Variants in SCN2A observed in about 807,000 individuals in gnomAD.
SCN2A encodes sodium channel protein type 2 subunit alpha.
SCN2A carries 20 observed loss-of-function variants against 188.7 expected under a neutral mutation model. The observed-to-expected ratio is 0.11, with a 90% CI of 0.07 to 0.15. The LOEUF (loss-of-function observed/expected upper bound fraction) is 0.15. Among genes scored for constraint, SCN2A ranks in the 10% least tolerant of loss-of-function variants. SCN2A has a pLI of 1.00. For missense variants in SCN2A, 1,278 were observed against 2,445.0 expected (o/e 0.52, Z 10.07); for synonymous variants, 804 against 833.1 (o/e 0.97, Z 0.60).
At chr2:165,284,714 A>G (rs530911582) in intron 1 of SCN2A, among the ~76,000 whole-genome samples, 1 of 152,350 alleles carries the variant, frequency 6.6e-6, no homozygotes, top group African/African-American at 2.4e-5. Flanking sequence ...CCTCACCCTC[A>G]TAAAGAGAAC....
Position 165,388,937 on chromosome 2 carries a change from A to T in SCN2A, c.5131A>T (p.Thr1711Ser). 1 of 1,614,116 alleles carries T rather than the reference A, an allele frequency of 6.2e-7. No individual in the cohort carries two copies. Among genetic ancestry groups the T allele is most frequent in the Non-Finnish European group, 8.5e-7 (1 of 1,180,000 alleles). The change falls in exon 27 of 27, where the codon ACA becomes TCA. Residue 1711 changes from threonine to serine, a missense_variant. Around this residue, in one of 17 missense-constraint regions of SCN2A, gnomAD observed 47 missense variants for 109.0 expected, o/e 0.43. Coordinates refer to ENST00000375437, the MANE Select transcript of SCN2A (RefSeq NM_001040142.2). ...CAGCATGATCTGCCTGTTCCAAATT[A>T]CAACCTCTGCTGGCTGGGATGGATT... The part of the protein sequence containing the change: ...GNSMICLFQI[T>S]TSAGWDGLLA...
chr2:165,338,212 A>G (rs2105306579), intron 14 of SCN2A, among the ~76,000 whole-genome samples: 1 of 151,912 alleles, frequency 6.6e-6, no homozygotes, highest in East Asian at 1.9e-4. Flanking sequence ...GATTGTTTAA[A>G]GTGGGGATTT....
At chr2:165,294,219 A>C (rs1300859123) in intron 1 of SCN2A, 1 of 580,590 alleles carries the variant, frequency 1.7e-6, no homozygotes, top group Non-Finnish European at 2.2e-6. Context: ...GGAAATCTGC[A>C]GAGGGACCAC....
At chr2:165,305,168 A>C (rs1452212831) in intron 3 of SCN2A, among the ~76,000 whole-genome samples, 1 of 152,230 alleles carries the variant, frequency 6.6e-6, no homozygotes, top group African/African-American at 2.4e-5. Flanking sequence ...GGAGACAGAA[A>C]TCTAAGATTT....
chr2:165,307,851 A>C lies in SCN2A; in HGVS notation c.390A>C (p.Leu130Phe). The C allele has an allele frequency of 6.2e-7, 1 of 1,605,622 alleles. No homozygotes were observed. Among genetic ancestry groups the C allele is most frequent in the African/African-American group, 1.3e-5 (1 of 74,892 alleles). The change falls in exon 4 of 27, where the codon TTA becomes TTC. Residue 130 changes from leucine to phenylalanine, a missense_variant. By Grantham distance (22) the Leu-to-Phe change is conservative. Around this residue, in one of 17 missense-constraint regions of SCN2A, gnomAD observed 141 missense variants for 185.4 expected, o/e 0.76. Transcript: ENST00000375437. ...GTCTTCCTTGACGATATTCTACTTT[A>C]TTCAATATGCTCATTATGTGCACGA... ...KLAIKILVHSLFNMLIMCTIL... is the reference protein window; with the variant it reads ...KLAIKILVHSFFNMLIMCTIL...
At chr2:165,327,155 A>AT (rs66861006) in intron 13 of SCN2A, 171 bp downstream of exon 13, 4,121 of 642,618 alleles carry the variant, frequency 6.4e-3, no homozygotes, top group Middle Eastern at 0.014. Flanking sequence ...TCTTCCACAG[A>AT]TTTTTTTTTT....
chr2:165,283,255 TGAGGCTCCAAGAACCTACAGCC>T (rs1695661328), intron 1 of SCN2A, among the ~76,000 whole-genome samples: 1 of 152,208 alleles, frequency 6.6e-6, no homozygotes, highest in African/African-American at 2.4e-5. Context: ...AATGTTCACC[TGAGGCTCCAAGAACCTACAGCC>T]CAGGAGACCT....
chr2:165,367,398 A>C, intron 19 of SCN2A, 27 bp downstream of exon 19: 2 of 1,612,334 alleles, frequency 1.2e-6, no homozygotes, highest in Middle Eastern at 3.3e-4. Flanking sequence ...CCACTCCTTC[A>C]CCTTTCATCT....
Position 165,342,224 on chromosome 2 carries a change from A to C in SCN2A, c.2389-72A>C. Reference sequence around the variant, plus strand: ...ATTTAATTTATATTTGTTGGGAGTAAATTAAGTTGCTCAATAATTATTCGT... The same window carrying C: ...ATTTAATTTATATTTGTTGGGAGTACATTAAGTTGCTCAATAATTATTCGT... On this transcript the variant is annotated intron_variant, in intron 14 of 26. Transcript: ENST00000375437. The C allele has an allele frequency of 2.1e-6, 3 of 1,424,012 alleles. No individual in the cohort carries two copies. The East Asian group carries it at 6.8e-5, about 32-fold the overall frequency. The allele number at this position is 1,424,012 out of a possible 1,614,324, so 88.2% of individuals were successfully genotyped here. A position where few individuals can be genotyped will look rare whatever the true frequency, so the allele number is the denominator to read the frequency against.
intron 26 of SCN2A, among the ~76,000 whole-genome samples, chr2:165,387,434 G>T (rs996792211): frequency 1.3e-5 from 2 of 152,046 alleles, no homozygotes; most frequent in African/African-American, 4.8e-5. Flanking sequence ...TAAATAATTG[G>T]AATAGTGTAT....
rs139518498 is a variant in SCN2A at position 165,285,965 on chromosome 2, A to G, written c.-51-9808A>G. On this transcript the variant is annotated intron_variant, in intron 1 of 26. Coordinates refer to ENST00000375437, the MANE Select transcript of SCN2A (RefSeq NM_001040142.2). ...GCAAAATGACCCTGTATTGCAGAGG[A>G]CTGTAGACATGCTCTGTGCCACAGA... is the stretch of plus-strand genomic sequence containing the variant. 1,682 of 215,756 alleles carry G rather than the reference A, an allele frequency of 7.8e-3. 9 individuals are homozygous for G. Among genetic ancestry groups the G allele is most frequent in the Non-Finnish European group, 0.011 (1,120 of 100,986 alleles). 13.4% of individuals were successfully genotyped at this position (215,756 alleles called of 1,614,324 possible). A position where few individuals can be genotyped will look rare whatever the true frequency, so the allele number is the denominator to read the frequency against.
At chr2:165,320,216 T>C (rs1461122789) in intron 11 of SCN2A, 1 of 152,246 alleles carries the variant, frequency 6.6e-6, no homozygotes, top group Non-Finnish European at 1.5e-5. Context: ...AATGATCTCC[T>C]TTGACTCCAT....
chr2:165,376,909 G>A (rs1322432832), intron 22 of SCN2A, among the ~76,000 whole-genome samples: 10 of 150,418 alleles, frequency 6.6e-5, no homozygotes, highest in Middle Eastern at 3.4e-3. Flanking sequence ...CCACTTACAC[G>A]ATCCTCAAGA....
chr2:165,266,889 G>A (rs1449514253), intron 1 of SCN2A: 1 of 152,032 alleles, frequency 6.6e-6, no homozygotes, highest in Non-Finnish European at 1.5e-5. Flanking sequence ...CTATTTGCAA[G>A]AGAAGTCAAG....
chr2:165,308,261 T>A (rs1476124858), intron 4 of SCN2A, among the ~76,000 whole-genome samples: 1 of 152,158 alleles, frequency 6.6e-6, no homozygotes, highest in Non-Finnish European at 1.5e-5. Flanking sequence ...GTTCCTTTTT[T>A]AATGACTACC....
chr2:165,285,685 C>T (rs114271671), intron 1 of SCN2A: 385 of 237,232 alleles, frequency 1.6e-3, no homozygotes, highest in Non-Finnish European at 2.9e-3. Context: ...CTGAATAAAC[C>T]GAAGTAACCT....
rs1283114469 is a variant in SCN2A at position 165,390,537 on chromosome 2, A to C, written c.*713A>C. On this transcript the variant is annotated 3_prime_UTR_variant, in exon 27 of 27. Transcript: ENST00000375437. ...CAGAAAAAATTTAATGTGCCTGTAA[A>C]TGTTCCATAGAATCACAAGCATTAA... is the stretch of plus-strand genomic sequence containing the variant. 6.5e-6 allele frequency: 1 copy of C among 152,766 alleles called. No individual in the cohort carries two copies. The highest frequency in any genetic ancestry group is 1.5e-5 in the Non-Finnish European group (1 of 68,192). The allele number at this position is 152,766 out of a possible 1,614,324, so 9.5% of individuals were successfully genotyped here. A position where few individuals can be genotyped will look rare whatever the true frequency, so the allele number is the denominator to read the frequency against.
chr2:165,293,477 G>A (rs1029838740), intron 1 of SCN2A, among the ~76,000 whole-genome samples: 8 of 152,144 alleles, frequency 5.3e-5, no homozygotes, highest in African/African-American at 1.9e-4. Context: ...TATACTGGAT[G>A]TTACTGTACT....
intron 3 of SCN2A, among the ~76,000 whole-genome samples, chr2:165,298,252 C>T (rs1296583903): frequency 1.3e-5 from 2 of 152,150 alleles, no homozygotes; most frequent in Non-Finnish European, 2.9e-5. Context: ...ATATTCTCCA[C>T]CTTTAGCAGG....
Sources: gnomAD v4.1 joint callset for allele counts (sites outside exome capture counted in the v4.1 genomes callset) on GRCh38, gnomAD v4.1.1 for gene constraint, gnomAD v4.1.1 regional missense constraint, MANE v1.5 for transcripts, NCBI Gene and HGNC (gene_info 2026-07-23, HGNC 2026-07-21) for gene names.